The following FNDC3B variants were observed in gnomAD, a reference collection of about 807,000 sequenced individuals.
FNDC3B encodes the protein fibronectin type III domain-containing protein 3B.
In FNDC3B, 12 loss-of-function variants were observed where a neutral mutation model predicts 151.5. The observed-to-expected ratio is 0.08, with a 90% CI of 0.05 to 0.13. FNDC3B has a LOEUF of 0.13. FNDC3B is among the 10% of genes least tolerant of loss of function. The pLI, the probability that FNDC3B is intolerant of heterozygous loss-of-function variation, is 1.00. For synonymous variants in FNDC3B, 528 were observed against 549.0 expected (o/e 0.96, Z 0.54); for missense variants, 1,214 against 1,505.3 (o/e 0.81, Z 3.20).
chr3:172,216,697 A>G (rs1725994279), intron 3 of FNDC3B, among the ~76,000 whole-genome samples: 1 of 152,188 alleles, frequency 6.6e-6, no homozygotes, highest in Non-Finnish European at 1.5e-5. Flanking sequence ...AGTTTAAATG[A>G]TAAGGTAATC....
chr3:172,118,433 A>T (rs75563595), intron 2 of FNDC3B, among the ~76,000 whole-genome samples: 3,095 of 152,318 alleles, frequency 0.02, 109 homozygotes, highest in African/African-American at 0.071. Flanking sequence ...CTCCTCAGAA[A>T]TCCCAACAGA....
intron 25 of FNDC3B, among the ~76,000 whole-genome samples, chr3:172,382,085 C>T (rs1276808402): frequency 6.6e-6 from 1 of 152,222 alleles, no homozygotes; most frequent in African/African-American, 2.4e-5. Flanking sequence ...ACACTCCCAC[C>T]AACGGTGTAA....
At chr3:172,342,862 A>G in intron 17 of FNDC3B, 149 bp from the exon 18 acceptor site, 2 of 549,290 alleles carry the variant, frequency 3.6e-6, no homozygotes, top group Admixed American at 3.0e-5. Flanking sequence ...TCTTAATTAC[A>G]TTAAAAGCAT....
chr3:172,295,550 A>T, intron 8 of FNDC3B, 36 bp downstream of exon 8: 1 of 1,591,188 alleles, frequency 6.3e-7, no homozygotes, highest in Non-Finnish European at 8.6e-7. Context: ...TTTGCTGCTA[A>T]ACTGTAAAAT....
chr3:172,338,832 G>A (rs1203290163), intron 16 of FNDC3B, among the ~76,000 whole-genome samples: 5 of 152,238 alleles, frequency 3.3e-5, no homozygotes, highest in Admixed American at 1.3e-4. Flanking sequence ...CGCCTCCTGG[G>A]TTCATGCCAT....
At chr3:172,386,271 G>A (rs1382593654) in intron 25 of FNDC3B, among the ~76,000 whole-genome samples, 4 of 132,994 alleles carry the variant, frequency 3.0e-5, no homozygotes, top group African/African-American at 9.9e-5. Context: ...TGCATAGTAA[G>A]AAGTAAAGCA....
intron 1 of FNDC3B, among the ~76,000 whole-genome samples, chr3:172,075,329 A>C (rs950892185): frequency 6.6e-6 from 1 of 152,238 alleles, no homozygotes; most frequent in South Asian, 2.1e-4. Context: ...TGGAGGCATG[A>C]TATTCTAGTC....
At chr3:172,096,163 T>A (rs980966072) in intron 1 of FNDC3B, among the ~76,000 whole-genome samples, 3 of 152,204 alleles carry the variant, frequency 2.0e-5, no homozygotes, top group Non-Finnish European at 4.4e-5. Context: ...TGGTTCCTGG[T>A]ACATACATTC....
chr3:172,207,663 C>T (rs1257072141), intron 3 of FNDC3B, among the ~76,000 whole-genome samples: 2 of 152,148 alleles, frequency 1.3e-5, no homozygotes, highest in Non-Finnish European at 2.9e-5. Flanking sequence ...AGGAGGTTCT[C>T]ACTCCCAGTA....
rs754756101 is a variant in FNDC3B at position 172,288,603 on chromosome 3, C to T, written c.849+2619C>T. ...TATCTTTCTAGGTTTGGAAAAGGCA[C>T]GTTGAGAAACTTTCTGGAGGTGAGT... On this transcript the variant is annotated intron_variant, in intron 7 of 25. Coordinates refer to ENST00000415807, the MANE Select transcript of FNDC3B (RefSeq NM_022763.4). Among the ~76,000 whole-genome samples, 41 of 152,284 alleles carry T rather than the reference C, an allele frequency of 2.7e-4. 1 individual carries two copies. Among genetic ancestry groups the T allele is most frequent in the African/African-American group, 7.2e-4 (30 of 41,566 alleles).
intron 25 of FNDC3B, among the ~76,000 whole-genome samples, chr3:172,382,423 G>C (rs1383288542): frequency 1.3e-5 from 2 of 152,144 alleles, no homozygotes; most frequent in African/African-American, 2.4e-5. Context: ...AAGGTTGCCT[G>C]TTCACTCTGA....
chr3:172,320,012 A>G (rs957576621), intron 11 of FNDC3B, among the ~76,000 whole-genome samples: 2 of 152,180 alleles, frequency 1.3e-5, no homozygotes, highest in Non-Finnish European at 2.9e-5. Context: ...AACCAAATTC[A>G]TGGAACTTAT....
At chr3:172,158,952 T>C (rs955555265) in intron 3 of FNDC3B, among the ~76,000 whole-genome samples, 4 of 152,180 alleles carry the variant, frequency 2.6e-5, no homozygotes, top group Admixed American at 1.3e-4. Context: ...TAGAAAATAC[T>C]GTTTTCCTCC....
At chr3:172,202,219 T>C (rs1725190049) in intron 3 of FNDC3B, among the ~76,000 whole-genome samples, 1 of 152,214 alleles carries the variant, frequency 6.6e-6, no homozygotes, top group South Asian at 2.1e-4. Flanking sequence ...CTCTCTTTAA[T>C]GACTCTTTAT....
chr3:172,216,590 T>A (rs1725986592), intron 3 of FNDC3B, among the ~76,000 whole-genome samples: 1 of 152,176 alleles, frequency 6.6e-6, no homozygotes, highest in Non-Finnish European at 1.5e-5. Flanking sequence ...AGAGGATCGC[T>A]TGACCCCAGG....
intron 3 of FNDC3B, among the ~76,000 whole-genome samples, chr3:172,188,752 C>T (rs923242927): frequency 3.3e-5 from 5 of 152,088 alleles, no homozygotes; most frequent in Admixed American, 3.3e-4. Flanking sequence ...GTGAAATGTA[C>T]ACTGAGCACA....
chr3:172,254,691 C>T (rs949116273), intron 6 of FNDC3B, among the ~76,000 whole-genome samples: 2 of 152,178 alleles, frequency 1.3e-5, no homozygotes, highest in African/African-American at 4.8e-5. Context: ...CTAGCCTCCC[C>T]TTTCATTTAC....
In FNDC3B at chr3:172,349,788, C is replaced by T. The variant is rs140052314; in HGVS notation, c.2514+2427C>T. Among the ~76,000 whole-genome samples, 774 of 152,074 alleles carry T rather than the reference C, an allele frequency of 5.1e-3. 11 individuals carry two copies. The highest frequency in any genetic ancestry group is 0.018 in the African/African-American group (741 of 41,484). On this transcript the variant is annotated intron_variant, in intron 21 of 25. Coordinates refer to ENST00000415807, the MANE Select transcript of FNDC3B (RefSeq NM_022763.4). ...CTCCTGTCTCAGCCTCCCGAGTAGC[C>T]GGGATTACAGGCGCCTGCCACCACG...
chr3:172,316,429 C>A (rs868337327), intron 11 of FNDC3B: 52 of 455,394 alleles, frequency 1.1e-4, no homozygotes, highest in African/African-American at 7.8e-4. Flanking sequence ...AAAAAAAAAA[C>A]TAGGAACCTC....
Sources: allele counts gnomAD v4.1 joint callset (sites outside exome capture counted in the v4.1 genomes callset), GRCh38; gene constraint gnomAD v4.1.1; transcripts MANE v1.5; gene names NCBI Gene and HGNC (gene_info 2026-07-23, HGNC 2026-07-21).